ZNF385D: variants seen among roughly 807,000 people sequenced by gnomAD.
ZNF385D encodes the protein zinc finger protein 659.
In ZNF385D, 15 loss-of-function variants were observed where a neutral mutation model predicts 35.8. That is an observed-to-expected ratio of 0.42 (90% CI 0.28 to 0.64). The LOEUF (loss-of-function observed/expected upper bound fraction) is 0.64, where lower values mean the gene tolerates loss of function less well. Among genes scored for constraint, ZNF385D ranks in the 30% least tolerant of loss-of-function variants. ZNF385D has a pLI of 0.23. For synonymous variants in ZNF385D, 212 were observed against 186.8 expected, an observed-to-expected ratio of 1.13 and a Z score of -1.10; for missense variants, 474 against 494.6, an observed-to-expected ratio of 0.96 and a Z score of 0.39.
At position 21,526,954 on chromosome 3, in the gene ZNF385D, T is replaced by C. The variant is rs190752909; in HGVS notation, c.277-15931A>G. ...CTGGAAACAGATCTGCATTTGATTC[T>C]ATCATTTAGAAAAGCACAAAGATGA... is the stretch of plus-strand genomic sequence containing the variant. On this transcript the variant is annotated intron_variant, in intron 3 of 7. Transcript: ENST00000281523. Among the ~76,000 whole-genome samples the C allele has an allele frequency of 9.2e-5, 14 of 152,286 alleles. No homozygotes were observed. In the East Asian group the frequency reaches 2.7e-3, roughly 29 times the overall value.
chr3:21,630,515 C>A (rs1428372762), intron 2 of ZNF385D, among the ~76,000 whole-genome samples: 2 of 152,014 alleles, frequency 1.3e-5, no homozygotes, highest in Non-Finnish European at 2.9e-5. Context: ...AAACCTACCA[C>A]CTTTATTTTC....
chr3:21,829,299 C>A (rs907376693), intron 3 of ZNF385D, among the ~76,000 whole-genome samples: 1 of 152,024 alleles, frequency 6.6e-6, no homozygotes, highest in African/African-American at 2.4e-5. Flanking sequence ...CAGAAAAAGT[C>A]TCTGAGATAT....
At chr3:21,877,632 A>G (rs1329946517) in intron 3 of ZNF385D, among the ~76,000 whole-genome samples, 2 of 152,056 alleles carry the variant, frequency 1.3e-5, no homozygotes, top group African/African-American at 4.8e-5. Flanking sequence ...TGGATTATAA[A>G]CTATTTTTAG....
At chr3:22,059,457 T>C (rs1473092346) in intron 3 of ZNF385D, among the ~76,000 whole-genome samples, 1 of 152,184 alleles carries the variant, frequency 6.6e-6, no homozygotes. Flanking sequence ...GAATATTTTC[T>C]TCTAGGAAAC....
intron 3 of ZNF385D, among the ~76,000 whole-genome samples, chr3:21,767,374 CA>C (rs2070875115): frequency 1.7e-5 from 2 of 120,874 alleles, no homozygotes; most frequent in African/African-American, 3.1e-5. Flanking sequence ...AAATTTTACT[CA>C]TTCTTTTTTT....
intron 2 of ZNF385D, among the ~76,000 whole-genome samples, chr3:21,606,112 G>A (rs781384196): frequency 6.6e-6 from 1 of 152,144 alleles, no homozygotes; most frequent in Non-Finnish European, 1.5e-5. Context: ...GAGGGACTGA[G>A]ATGAGAGAAG....
chr3:21,937,419 A>G (rs1439372799), intron 3 of ZNF385D, among the ~76,000 whole-genome samples: 1 of 152,072 alleles, frequency 6.6e-6, no homozygotes, highest in Non-Finnish European at 1.5e-5. Context: ...TCACCTACAG[A>G]CCTATGTGAT....
intron 3 of ZNF385D, among the ~76,000 whole-genome samples, chr3:21,964,434 A>G (rs145397362): frequency 0.23 from 10,530 of 45,884 alleles, 533 homozygotes; most frequent in African/African-American, 0.36. Flanking sequence ...AAAAAAAAAG[A>G]AAAAAAAAAA....
At chr3:21,791,472 G>C (rs959558181) in intron 3 of ZNF385D, among the ~76,000 whole-genome samples, 1 of 152,152 alleles carries the variant, frequency 6.6e-6, no homozygotes, top group Admixed American at 6.5e-5. Flanking sequence ...TAAAATCAGA[G>C]GATTTAAGGA....
intron 4 of ZNF385D, among the ~76,000 whole-genome samples, chr3:21,464,225 T>A (rs1039446423): frequency 1.2e-4 from 19 of 152,176 alleles, no homozygotes; most frequent in Non-Finnish European, 2.5e-4. Flanking sequence ...AATCGCTGAC[T>A]GGAGGTTTAA....
intron 3 of ZNF385D, among the ~76,000 whole-genome samples, chr3:22,141,604 C>G (rs1257036975): frequency 6.6e-6 from 1 of 152,142 alleles, no homozygotes; most frequent in African/African-American, 2.4e-5. Context: ...CGGTAGTTCA[C>G]TGGCCTGCTG....
At chr3:22,082,410 G>C (rs1700799098) in intron 3 of ZNF385D, among the ~76,000 whole-genome samples, 1 of 152,184 alleles carries the variant, frequency 6.6e-6, no homozygotes, top group Non-Finnish European at 1.5e-5. Context: ...TTCCGTGCCT[G>C]GCTCTGTGGG....
chr3:21,706,211 T>G (rs1451622599), intron 1 of ZNF385D, among the ~76,000 whole-genome samples: 7 of 151,842 alleles, frequency 4.6e-5, no homozygotes, highest in Non-Finnish European at 7.4e-5. Context: ...TTATGTGATT[T>G]CACACTGGCA....
intron 2 of ZNF385D, among the ~76,000 whole-genome samples, chr3:22,188,545 G>A (rs1487837478): frequency 6.6e-6 from 1 of 151,950 alleles, no homozygotes; most frequent in East Asian, 1.9e-4. Context: ...CGCTTCCCAG[G>A]TTCAAGCCAT....
At chr3:22,065,597 T>G (rs1286889793) in intron 3 of ZNF385D, among the ~76,000 whole-genome samples, 1 of 152,078 alleles carries the variant, frequency 6.6e-6, no homozygotes, top group Non-Finnish European at 1.5e-5. Context: ...GGTGAAAAGA[T>G]CAATTTGTTG....
chr3:21,870,719 G>GTGTGTGCGTGTATA (rs1559709110), intron 3 of ZNF385D, among the ~76,000 whole-genome samples: 4 of 152,072 alleles, frequency 2.6e-5, no homozygotes. Flanking sequence ...ATAGGCGTGC[G>GTGTGTGCGTGTATA]TGTGTGCGTG....
At chr3:21,581,448 AT>A (rs1373772611) in intron 2 of ZNF385D, among the ~76,000 whole-genome samples, 1 of 152,164 alleles carries the variant, frequency 6.6e-6, no homozygotes, top group African/African-American at 2.4e-5. Flanking sequence ...TAATATGCTT[AT>A]ATTCTCCCCA....
At chr3:22,035,931 GT>G (rs35098442) in intron 3 of ZNF385D, among the ~76,000 whole-genome samples, 9 of 151,404 alleles carry the variant, frequency 5.9e-5, no homozygotes, top group East Asian at 3.9e-4. Context: ...TACTTTCACA[GT>G]TTTTTTTTCC....
intron 2 of ZNF385D, among the ~76,000 whole-genome samples, chr3:22,270,056 T>G (rs899420266): frequency 7.2e-5 from 11 of 152,060 alleles, no homozygotes; most frequent in African/African-American, 2.6e-4. Flanking sequence ...GGGTGGAATC[T>G]GAGTCTGACT....
Sources: allele counts gnomAD v4.1 joint callset (sites outside exome capture counted in the v4.1 genomes callset), GRCh38; gene constraint gnomAD v4.1.1; transcripts MANE v1.5; gene names NCBI Gene and HGNC (gene_info 2026-07-23, HGNC 2026-07-21).